The following BRDT variants were observed in gnomAD, a reference collection of about 807,000 sequenced individuals.
The protein encoded by BRDT is bromodomain testis-specific protein.
A neutral mutation model predicts 113.9 loss-of-function variants in BRDT; 77 were observed. That is an observed-to-expected ratio of 0.68 (90% CI 0.56 to 0.82). The LOEUF (loss-of-function observed/expected upper bound fraction) is 0.82. BRDT is among the 40% of genes least tolerant of loss of function. The probability of loss-of-function intolerance (pLI) is 0.00; values close to 1 mark genes in which losing one functional copy is unlikely to be tolerated. For synonymous variants in BRDT, 358 were observed against 366.5 expected, an observed-to-expected ratio of 0.98 and a Z score of 0.26; for missense variants, 1,027 against 1,105.4, an observed-to-expected ratio of 0.93 and a Z score of 1.01.
chr1:91,950,684 C>CTTTTTTTT lies in BRDT; in HGVS notation c.-38+1019_-38+1026dup, dbSNP rs67133307. On this transcript the variant is annotated intron_variant, in intron 1 of 18. Coordinates refer to ENST00000399546, the MANE Select transcript of BRDT (RefSeq NM_207189.4). ...AGTAGGATGTGACAGTGGATAATTG[C>CTTTTTTTT]TTTTTTTTTTTTTTTTTTTTTTTTA... 7 of 80,416 alleles carry CTTTTTTTT rather than the reference C, an allele frequency of 8.7e-5. 1 individual carries two copies. The highest frequency in any genetic ancestry group is 1.3e-4 in the Non-Finnish European group (6 of 46,046). 5.0% of individuals were successfully genotyped at this position (80,416 alleles called of 1,614,324 possible). A position where few individuals can be genotyped will look rare whatever the true frequency, so the allele number is the denominator to read the frequency against.
intron 1 of BRDT, among the ~76,000 whole-genome samples, chr1:91,951,480 C>T (rs529318176): frequency 4.7e-5 from 7 of 149,010 alleles, no homozygotes; most frequent in South Asian, 4.3e-4. Flanking sequence ...GGCGGGGGGG[C>T]GTGTATAGAT....
At chr1:92,008,509 A>C (rs936103529) in intron 18 of BRDT, among the ~76,000 whole-genome samples, 8 of 152,160 alleles carry the variant, frequency 5.3e-5, no homozygotes, top group Admixed American at 2.6e-4. Context: ...TGTCAGCCTT[A>C]GTATAATCAA....
intron 4 of BRDT, among the ~76,000 whole-genome samples, chr1:91,969,121 T>C (rs1683363744): frequency 6.6e-6 from 1 of 151,866 alleles, no homozygotes; most frequent in African/African-American, 2.4e-5. Flanking sequence ...TATTTTTTTT[T>C]AGTAGAGTCG....
intron 18 of BRDT, 46 bp from the exon 19 acceptor site, chr1:92,014,160 A>T (rs1570675815): frequency 7.9e-7 from 1 of 1,262,736 alleles, no homozygotes; most frequent in Non-Finnish European, 1.1e-6. Flanking sequence ...TGTAGTAAAG[A>T]CATACATTTT....
intron 3 of BRDT, among the ~76,000 whole-genome samples, chr1:91,966,400 C>A (rs754227718): frequency 6.6e-6 from 1 of 152,128 alleles, no homozygotes; most frequent in Non-Finnish European, 1.5e-5. Context: ...TTAGCCAATG[C>A]GAATGATTTT....
intron 1 of BRDT, among the ~76,000 whole-genome samples, chr1:91,959,931 C>T (rs1682247206): frequency 6.6e-6 from 1 of 152,100 alleles, no homozygotes; most frequent in African/African-American, 2.4e-5. Flanking sequence ...TTTAAAAAAC[C>T]AACAAAACTG....
Position 91,980,666 on chromosome 1 carries a change from C to A in BRDT, c.1311C>A (p.Leu437=), listed in dbSNP as rs1370001972. ...AGCTTAAAGCTGTACATCAACAGCT[C>A]CAGGTTTTGTCCCAAGTACCTTTCC... ...QEQLKAVHQQ[L]QVLSQVPFRK... Residue 437 remains leucine (L), a synonymous_variant, in exon 9 of 19, where the codon CTC becomes CTA. Transcript: ENST00000399546. 7 of 1,584,558 alleles carry A rather than the reference C, an allele frequency of 4.4e-6. No individual in the cohort carries two copies. The highest frequency in any genetic ancestry group is 6.0e-6 in the Non-Finnish European group (7 of 1,172,732).
At chr1:91,968,303 T>A in intron 4 of BRDT, 43 bp downstream of exon 4, 1 of 1,598,658 alleles carries the variant, frequency 6.3e-7, no homozygotes, top group Non-Finnish European at 8.5e-7. Flanking sequence ...TCTCTTTTTT[T>A]CCCCTATCTA....
chr1:92,007,892 TATTTATTC>T (rs1452795926), intron 18 of BRDT, among the ~76,000 whole-genome samples: 7 of 151,132 alleles, frequency 4.6e-5, no homozygotes, highest in Admixed American at 1.3e-4. Context: ...TTTATTTATT[TATTTATTC>T]ATTCATTCAT....
chr1:91,961,041 T>TG (rs1378079620), intron 1 of BRDT, among the ~76,000 whole-genome samples: 1 of 152,250 alleles, frequency 6.6e-6, no homozygotes, highest in Non-Finnish European at 1.5e-5. Context: ...TCGGGTGCAG[T>TG]GGCTCACGCC....
At chr1:91,973,265 G>A (rs988432031) in intron 4 of BRDT, among the ~76,000 whole-genome samples, 14 of 152,150 alleles carry the variant, frequency 9.2e-5, no homozygotes, top group African/African-American at 3.1e-4. Context: ...GGCAATGCGG[G>A]CTCTTTTTTA....
intron 8 of BRDT, among the ~76,000 whole-genome samples, chr1:91,980,435 T>A (rs1273865555): frequency 6.6e-6 from 1 of 152,210 alleles, no homozygotes; most frequent in Non-Finnish European, 1.5e-5. Context: ...TTTAAGTTTA[T>A]GGGTTCAGCA....
Position 92,004,438 on chromosome 1 carries a change from T to C in BRDT, c.2413T>C (p.Ser805Pro). The C allele has an allele frequency of 6.2e-7, 1 of 1,608,332 alleles. No homozygotes were observed. The highest frequency in any genetic ancestry group is 1.1e-5 in the South Asian group (1 of 89,606). Residue 805 changes from serine (S) to proline (P), a missense_variant, in exon 17 of 19, where the codon TCA becomes CCA. Ser to Pro is a moderately conservative substitution (Grantham distance 74). Coordinates refer to ENST00000399546, the MANE Select transcript of BRDT (RefSeq NM_207189.4). ...GGATATAAAGATTAAGAATGCAGAT[T>C]CATGGAAAAGTTTAGGCAAACCAGT... ...QKDIKIKNAD[S>P]WKSLGKPVKP...
chr1:91,959,428 T>A (rs1392976485), intron 1 of BRDT, among the ~76,000 whole-genome samples: 2 of 150,872 alleles, frequency 1.3e-5, no homozygotes, highest in African/African-American at 4.9e-5. Context: ...TCTTTTTTTT[T>A]TTTTTTTTAT....
chr1:91,994,824 C>T (rs1389240724), intron 15 of BRDT, among the ~76,000 whole-genome samples: 3 of 142,284 alleles, frequency 2.1e-5, no homozygotes, highest in Non-Finnish European at 4.6e-5. Flanking sequence ...GCCGAGATCC[C>T]GCCACTGCAC....
At chr1:91,975,223 A>G (rs765160189) in intron 4 of BRDT, among the ~76,000 whole-genome samples, 11 of 152,128 alleles carry the variant, frequency 7.2e-5, no homozygotes, top group Non-Finnish European at 1.6e-4. Context: ...TGGCACATGT[A>G]TACATATGTA....
chr1:91,955,221 T>C (rs1280400557), intron 1 of BRDT, among the ~76,000 whole-genome samples: 18 of 152,136 alleles, frequency 1.2e-4, no homozygotes, highest in Admixed American at 1.2e-3. Flanking sequence ...TTTGGGAGGC[T>C]GAGGCAGGTG....
intron 12 of BRDT, among the ~76,000 whole-genome samples, chr1:91,983,829 A>G (rs1019159445): frequency 6.6e-6 from 1 of 151,780 alleles, no homozygotes; most frequent in African/African-American, 2.4e-5. Flanking sequence ...TTACAAGTGG[A>G]TGCCACCACA....
At chr1:91,998,606 C>T (rs1056163542) in intron 15 of BRDT, among the ~76,000 whole-genome samples, 3 of 152,084 alleles carry the variant, frequency 2.0e-5, no homozygotes, top group Admixed American at 2.0e-4. Context: ...CAGGAGTTTG[C>T]TATCTCATAG....
Sources: allele counts gnomAD v4.1 joint callset (sites outside exome capture counted in the v4.1 genomes callset), GRCh38; gene constraint gnomAD v4.1.1; transcripts MANE v1.5; gene names NCBI Gene and HGNC (gene_info 2026-07-23, HGNC 2026-07-21).